The following TAOK3 variants were observed in gnomAD, a reference collection of about 807,000 sequenced individuals.
The protein encoded by TAOK3 is serine/threonine-protein kinase TAO3.
Under a neutral mutation model 120.4 loss-of-function variants are expected in TAOK3, and 40 were observed. The observed-to-expected ratio is 0.33, with a 90% CI of 0.26 to 0.43. The LOEUF is 0.43. Among genes scored for constraint, TAOK3 ranks in the 20% least tolerant of loss-of-function variants. The pLI is 1.00. For synonymous variants in TAOK3, 355 were observed against 387.5 expected (o/e 0.92, Z 0.99); for missense variants, 821 against 1,112.1 (o/e 0.74, Z 3.72).
chr12:118,165,204 G>A (rs2035502282), intron 17 of TAOK3, among the ~76,000 whole-genome samples: 1 of 152,090 alleles, frequency 6.6e-6, no homozygotes, highest in Admixed American at 6.5e-5. Flanking sequence ...GCAGTAACTG[G>A]CCCGTAGGTG....
intron 11 of TAOK3, 90 bp from the exon 12 acceptor site, chr12:118,201,553 A>T: frequency 8.7e-7 from 1 of 1,144,130 alleles, no homozygotes; most frequent in South Asian, 2.2e-5. Flanking sequence ...GAGAATCATA[A>T]AATAGTTCTA....
intron 1 of TAOK3, among the ~76,000 whole-genome samples, chr12:118,319,324 T>C (rs1243914563): frequency 2.0e-5 from 3 of 152,158 alleles, no homozygotes; most frequent in Non-Finnish European, 4.4e-5. Context: ...TGGACTTTAC[T>C]AAAATTCAGA....
chr12:118,294,636 G>A (rs1247944845), intron 1 of TAOK3, among the ~76,000 whole-genome samples: 2 of 151,918 alleles, frequency 1.3e-5, no homozygotes, highest in South Asian at 2.1e-4. Context: ...TGCCTGCCTC[G>A]GCCTCCCAAA....
At chr12:118,263,610 C>T (rs538432404) in intron 2 of TAOK3, among the ~76,000 whole-genome samples, 2 of 151,940 alleles carry the variant, frequency 1.3e-5, no homozygotes, top group Non-Finnish European at 2.9e-5. Context: ...CCCCTGGATC[C>T]AGAAAACATA....
rs1002269535 is a variant in TAOK3, at chr12:118,372,148, C to G, written c.-194+500G>C. ...CTGTCCTGGATTCTCTCTGGGTCCC[C>G]TCCCCTCACCTCGGGGTCTCCTCTC... is the stretch of plus-strand genomic sequence containing the variant. On this transcript the variant is annotated intron_variant, in intron 1 of 20. Transcript: ENST00000392533. The surrounding 1 kb of genome is among the most constrained non-coding windows in gnomAD (Gnocchi z 4.6). Among the ~76,000 whole-genome samples the G allele has an allele frequency of 1.3e-5, 2 of 151,784 alleles. No individual in the cohort carries two copies. Among genetic ancestry groups the G allele is most frequent in the South Asian group, 4.2e-4 (2 of 4,804 alleles).
intron 1 of TAOK3, among the ~76,000 whole-genome samples, chr12:118,331,127 T>C (rs1307485060): frequency 6.6e-6 from 1 of 152,138 alleles, no homozygotes; most frequent in Non-Finnish European, 1.5e-5. Context: ...CTAGAGAAAA[T>C]AAATGTAATT....
At chr12:118,260,526 T>C (rs1223558292) in intron 2 of TAOK3, among the ~76,000 whole-genome samples, 1 of 152,146 alleles carries the variant, frequency 6.6e-6, no homozygotes, top group African/African-American at 2.4e-5. Context: ...ATAATTGATA[T>C]AGATGATACA....
chr12:118,241,387 T>G (rs1177525889), intron 5 of TAOK3, among the ~76,000 whole-genome samples: 1 of 152,184 alleles, frequency 6.6e-6, no homozygotes, highest in Non-Finnish European at 1.5e-5. Flanking sequence ...TTACATAATT[T>G]TCTAATTTTT....
chr12:118,242,617 T>C (rs2040300836), intron 5 of TAOK3, among the ~76,000 whole-genome samples: 2 of 152,124 alleles, frequency 1.3e-5, no homozygotes, highest in South Asian at 4.1e-4. Flanking sequence ...CCCAGCACTT[T>C]GGGAGGCTGA....
chr12:118,294,487 G>A (rs1371366919), intron 1 of TAOK3, among the ~76,000 whole-genome samples: 2 of 151,664 alleles, frequency 1.3e-5, no homozygotes, highest in Non-Finnish European at 2.9e-5. Flanking sequence ...GGGTTCAGGC[G>A]ACCCTCCAGC....
intron 1 of TAOK3, among the ~76,000 whole-genome samples, chr12:118,363,691 C>T (rs767230256): frequency 4.6e-5 from 7 of 151,636 alleles, no homozygotes; most frequent in Non-Finnish European, 8.8e-5. Flanking sequence ...CATCACTAAG[C>T]GCTTGGCTAG....
Position 118,359,964 on chromosome 12 carries a change from C to T in TAOK3, c.-194+12684G>A, listed in dbSNP as rs146161751. Among the ~76,000 whole-genome samples the T allele has an allele frequency of 7.2e-5, 11 of 152,096 alleles. No homozygotes were observed. The East Asian group carries it at 1.9e-3, about 27-fold the overall frequency. ...ACTTTCATTATTTTTCTAAGATGCG[C>T]GATTATTAAGAATGTATGTGGTCAG... On this transcript the variant is annotated intron_variant, in intron 1 of 20. Coordinates refer to ENST00000392533, the MANE Select transcript of TAOK3 (RefSeq NM_016281.4).
chr12:118,279,987 G>C (rs1352647171), intron 1 of TAOK3, among the ~76,000 whole-genome samples: 1 of 151,024 alleles, frequency 6.6e-6, no homozygotes, highest in African/African-American at 2.4e-5. Flanking sequence ...AGCAGGTCTT[G>C]AACTCCTGAC....
chr12:118,367,137 G>C (rs943749732), intron 1 of TAOK3, among the ~76,000 whole-genome samples: 1 of 152,164 alleles, frequency 6.6e-6, no homozygotes, highest in Non-Finnish European at 1.5e-5. Flanking sequence ...GTTTAATTGT[G>C]AGACAGCTGA....
chr12:118,339,007 G>A (rs902878251), intron 1 of TAOK3, among the ~76,000 whole-genome samples: 9 of 146,002 alleles, frequency 6.2e-5, no homozygotes, highest in Non-Finnish European at 8.8e-5. Context: ...CCAGCAAAGA[G>A]TGTGGTGTGC....
chr12:118,181,430 T>C lies in TAOK3; in HGVS notation c.1507A>G (p.Asn503Asp). ...LQKEVETHAN[N>D]SSIELEKLAK... Reference sequence around the variant, plus strand: ...AGCTTCTCCAGCTCGATGGACGAGTTGTTGGCATGCGTCTCCACCTCCTTC... The same window carrying C: ...AGCTTCTCCAGCTCGATGGACGAGTCGTTGGCATGCGTCTCCACCTCCTTC... The change falls in exon 15 of 21, where the codon AAC becomes GAC. Residue 503 changes from asparagine to aspartate, a missense_variant. This residue lies in a region of TAOK3 where 354 missense variants were observed against 572.1 expected (regional missense o/e 0.62). Transcript: ENST00000392533. 6.2e-7 allele frequency: 1 copy of C among 1,614,188 alleles called. No homozygotes were observed. The highest frequency in any genetic ancestry group is 8.5e-7 in the Non-Finnish European group (1 of 1,180,028).
intron 17 of TAOK3, among the ~76,000 whole-genome samples, chr12:118,168,990 TTCCTTCCTTCCTTTC>T (rs2035799922): frequency 7.8e-6 from 1 of 128,392 alleles, no homozygotes; most frequent in African/African-American, 2.7e-5. Context: ...CCTTCCTTCC[TTCCTTCCTTCCTTTC>T]TTTCTTTCTT....
chr12:118,253,674 T>G (rs903342110), intron 3 of TAOK3, among the ~76,000 whole-genome samples: 9 of 148,564 alleles, frequency 6.1e-5, no homozygotes, highest in Non-Finnish European at 1.2e-4. Context: ...GAGGTGGAGG[T>G]TGTAGTGAGC....
At chr12:118,256,249 T>C (rs754206126) in intron 2 of TAOK3, among the ~76,000 whole-genome samples, 1 of 152,186 alleles carries the variant, frequency 6.6e-6, no homozygotes, top group Non-Finnish European at 1.5e-5. Context: ...AGGATAGTGA[T>C]AGTCAAAAAG....
Sources: gnomAD v4.1 joint callset for allele counts (sites outside exome capture counted in the v4.1 genomes callset) on GRCh38, gnomAD v4.1.1 for gene constraint, gnomAD v4.1.1 regional missense constraint, Gnocchi (gnomAD v3.1) non-coding constraint, MANE v1.5 for transcripts, NCBI Gene and HGNC (gene_info 2026-07-23, HGNC 2026-07-21) for gene names.